Variants in MAPRE2 observed in about 807,000 individuals in gnomAD.
The protein encoded by MAPRE2 is microtubule-associated protein RP/EB family member 2.
MAPRE2 carries 13 observed loss-of-function variants against 43.2 expected under a neutral mutation model. The ratio of observed to expected loss-of-function variants is 0.30; its 90% CI spans 0.20 to 0.48. MAPRE2 has a LOEUF of 0.48. Ranked by LOEUF, MAPRE2 falls within the 20% of genes least tolerant of loss-of-function variation. The probability of loss-of-function intolerance (pLI) is 0.99; values close to 1 mark genes in which losing one functional copy is unlikely to be tolerated. For missense variants in MAPRE2, 161 were observed against 400.2 expected, an observed-to-expected ratio of 0.40 and a Z score of 5.10; for synonymous variants, 135 against 148.8, an observed-to-expected ratio of 0.91 and a Z score of 0.68.
intron 2 of MAPRE2, among the ~76,000 whole-genome samples, chr18:35,081,278 T>C (rs1219015372): frequency 1.3e-5 from 2 of 152,228 alleles, no homozygotes; most frequent in Non-Finnish European, 2.9e-5. Context: ...AAGTAAATAC[T>C]GTGCATTCTT....
chr18:34,984,314 T>G (rs1448481554), intron 1 of MAPRE2: 1 of 152,178 alleles, frequency 6.6e-6, no homozygotes, highest in Admixed American at 6.6e-5. Context: ...TGCCACAGAA[T>G]GGGAGTTTGC....
chr18:35,028,415 AT>A (rs1185809909), intron 2 of MAPRE2, among the ~76,000 whole-genome samples: 13 of 152,182 alleles, frequency 8.5e-5, no homozygotes, highest in Non-Finnish European at 1.5e-4. Context: ...TGAACTCTGA[AT>A]TTTGCTATTC....
At chr18:35,122,738 A>C (rs1909738696) in intron 4 of MAPRE2, among the ~76,000 whole-genome samples, 1 of 152,122 alleles carries the variant, frequency 6.6e-6, no homozygotes, top group African/African-American at 2.4e-5. Flanking sequence ...CTCTCATCTC[A>C]AAGGGATCCA....
intron 1 of MAPRE2, among the ~76,000 whole-genome samples, chr18:35,049,955 G>T (rs553863142): frequency 2.0e-5 from 3 of 152,080 alleles, no homozygotes; most frequent in African/African-American, 7.2e-5. Context: ...AAAGTAAAAG[G>T]CTTATTTATC....
intron 2 of MAPRE2, among the ~76,000 whole-genome samples, chr18:35,091,113 A>G (rs1220976223): frequency 6.6e-6 from 1 of 152,220 alleles, no homozygotes; most frequent in Admixed American, 6.5e-5. Flanking sequence ...GGAAAAATCA[A>G]TATTGTTAAA....
At chr18:35,063,625 G>A (rs1039558831) in intron 1 of MAPRE2, among the ~76,000 whole-genome samples, 3 of 152,126 alleles carry the variant, frequency 2.0e-5, no homozygotes, top group African/African-American at 7.2e-5. Context: ...AACCACTTAT[G>A]GAGGCTGTTC....
chr18:35,036,324 GAAGACCTA>G (rs2150595162), intron 2 of MAPRE2, among the ~76,000 whole-genome samples: 1 of 152,198 alleles, frequency 6.6e-6, no homozygotes, highest in East Asian at 1.9e-4. Context: ...AAAGAGTGAT[GAAGACCTA>G]AACTGCTTCT....
chr18:35,119,430 A>G (rs1050088354), intron 4 of MAPRE2, among the ~76,000 whole-genome samples: 5 of 152,088 alleles, frequency 3.3e-5, no homozygotes, highest in African/African-American at 1.2e-4. Context: ...TTCCTAATTT[A>G]TGTTATTATT....
rs1164584625 is a variant in MAPRE2, at chr18:35,143,021, G to A, written c.*2652G>A. 2 of 146,380 alleles carry A rather than the reference G, an allele frequency of 1.4e-5. No individual in the cohort carries two copies. Among genetic ancestry groups the A allele is most frequent in the East Asian group, 4.0e-4 (2 of 4,952 alleles). 9.1% of individuals were successfully genotyped at this position (146,380 alleles called of 1,614,324 possible). On this transcript the variant is annotated 3_prime_UTR_variant, in exon 7 of 7. Transcript: ENST00000300249. ...TGCTACTGTCAGATAGGAAGTGATC[G>A]AAGCAGGGGGCAAAGAGAAAGCCCA...
At chr18:35,095,614 G>A (rs1603400525) in intron 2 of MAPRE2, among the ~76,000 whole-genome samples, 2 of 150,914 alleles carry the variant, frequency 1.3e-5, no homozygotes, top group South Asian at 4.2e-4. Context: ...ATAGTATCTG[G>A]GTCTCCATAG....
At chr18:34,997,132 T>C (rs1787829654) in intron 1 of MAPRE2, among the ~76,000 whole-genome samples, 2 of 152,222 alleles carry the variant, frequency 1.3e-5, no homozygotes, top group South Asian at 4.1e-4. Context: ...TCCTTATTCA[T>C]TTTTGTATCC....
intron 4 of MAPRE2, among the ~76,000 whole-genome samples, chr18:35,109,316 A>G (rs28805283): frequency 0.028 from 4,332 of 152,178 alleles, 200 homozygotes; most frequent in African/African-American, 0.098. Flanking sequence ...ATTGGTCTAT[A>G]TATCTGTTTT....
chr18:35,023,783 A>G (rs1001335382), intron 2 of MAPRE2, among the ~76,000 whole-genome samples: 1 of 152,086 alleles, frequency 6.6e-6, no homozygotes, highest in Non-Finnish European at 1.5e-5. Context: ...CATTAAAGAG[A>G]TAATTGAAAC....
chr18:35,126,969 C>T lies in MAPRE2; in HGVS notation c.632C>T (p.Ala211Val), dbSNP rs1569014116. 6.2e-7 allele frequency: 1 copy of T among 1,613,908 alleles called. No individual in the cohort carries two copies. ...TCAGGTGCAGCTAAATCAAGTCCAG[C>T]AGCTAAACCAGGATCCACACCTTCT... is the stretch of plus-strand genomic sequence containing the variant. ...PTAGAAKSSP[A>V]AKPGSTPSRP... Residue 211 changes from alanine to valine, a missense_variant, in exon 5 of 7, where the codon GCA (alanine) becomes GTA (valine). Ala to Val is a moderately conservative substitution (Grantham distance 64). Transcript: ENST00000300249.
At chr18:35,123,548 G>T (rs1909780037) in intron 4 of MAPRE2, among the ~76,000 whole-genome samples, 2 of 152,174 alleles carry the variant, frequency 1.3e-5, no homozygotes, top group African/African-American at 4.8e-5. Context: ...AGCATATACT[G>T]ACTGAGTTTA....
At chr18:35,002,829 C>A (rs1219952923) in intron 1 of MAPRE2, among the ~76,000 whole-genome samples, 1 of 152,054 alleles carries the variant, frequency 6.6e-6, no homozygotes, top group East Asian at 1.9e-4. Flanking sequence ...ATTGGGCTTG[C>A]AAATACTTTC....
At chr18:35,069,395 T>A (rs946879483) in intron 1 of MAPRE2, among the ~76,000 whole-genome samples, 7 of 148,714 alleles carry the variant, frequency 4.7e-5, no homozygotes, top group Admixed American at 1.3e-4. Context: ...TTTTTAAAAA[T>A]TATTTTTCAG....
intron 4 of MAPRE2, among the ~76,000 whole-genome samples, chr18:35,125,542 T>G (rs529887835): frequency 6.6e-6 from 1 of 152,300 alleles, no homozygotes; most frequent in African/African-American, 2.4e-5. Flanking sequence ...GGTTGGGGAA[T>G]TAGGCCAGTG....
intron 1 of MAPRE2, among the ~76,000 whole-genome samples, chr18:35,056,062 T>C (rs772768456): frequency 8.0e-5 from 12 of 150,918 alleles, no homozygotes; most frequent in Non-Finnish European, 1.5e-4. Flanking sequence ...TTTTCTGCAT[T>C]AGTGAAAATG....
Sources: gnomAD v4.1 joint callset for allele counts (sites outside exome capture counted in the v4.1 genomes callset) on GRCh38, gnomAD v4.1.1 for gene constraint, MANE v1.5 for transcripts, NCBI Gene and HGNC (gene_info 2026-07-23, HGNC 2026-07-21) for gene names.